The following CSMD3 variants were observed in gnomAD, a reference collection of about 807,000 sequenced individuals.
CSMD3 encodes the protein CUB and Sushi multiple domains 3, also known as CUB and sushi domain-containing protein 3.
Under a neutral mutation model 435.2 loss-of-function variants are expected in CSMD3, and 177 were observed. That is an observed-to-expected ratio of 0.41 (90% CI 0.36 to 0.46). CSMD3 has a LOEUF of 0.46. CSMD3 is among the 20% of genes least tolerant of loss of function. CSMD3 has a pLI of 0.34. For missense variants in CSMD3, 4,265 were observed against 4,504.6 expected, an observed-to-expected ratio of 0.95 and a Z score of 1.52; for synonymous variants, 1,656 against 1,520.5, an observed-to-expected ratio of 1.09 and a Z score of -2.07.
chr8:112,282,023 A>G (rs1818702453), intron 58 of CSMD3, among the ~76,000 whole-genome samples: 1 of 152,100 alleles, frequency 6.6e-6, no homozygotes, highest in Non-Finnish European at 1.5e-5. Context: ...TTTGTCAACA[A>G]TATGTTAATT....
chr8:112,549,187 T>C (rs1487903788), intron 27 of CSMD3, among the ~76,000 whole-genome samples: 3 of 152,084 alleles, frequency 2.0e-5, no homozygotes, highest in East Asian at 1.9e-4. Context: ...GAATTGTTTA[T>C]TGCTAAACTA....
At chr8:113,289,554 CAGAG>C (rs66595138) in intron 2 of CSMD3, among the ~76,000 whole-genome samples, 30,811 of 143,022 alleles carry the variant, frequency 0.22, 3,432 homozygotes, top group Middle Eastern at 0.38. Context: ...CAGAGAGAGA[CAGAG>C]AGAGAGAGAG....
intron 11 of CSMD3, among the ~76,000 whole-genome samples, chr8:112,844,215 C>T (rs1272748806): frequency 6.6e-6 from 1 of 151,900 alleles, no homozygotes; most frequent in Non-Finnish European, 1.5e-5. Context: ...AAATCAGTAA[C>T]AGTAATAAAA....
intron 4 of CSMD3, among the ~76,000 whole-genome samples, chr8:113,164,471 TA>T (rs1407718693): frequency 1.3e-5 from 2 of 151,680 alleles, no homozygotes; most frequent in Non-Finnish European, 2.9e-5. Flanking sequence ...CTTAAATATT[TA>T]ATGTATTTAG....
At chr8:113,375,889 G>T (rs1164022405) in intron 1 of CSMD3, among the ~76,000 whole-genome samples, 1 of 152,102 alleles carries the variant, frequency 6.6e-6, no homozygotes, top group Non-Finnish European at 1.5e-5. Flanking sequence ...ATAAGTATCA[G>T]AAGTCTTATA....
chr8:113,393,086 T>C (rs906327865), intron 1 of CSMD3, among the ~76,000 whole-genome samples: 1 of 152,028 alleles, frequency 6.6e-6, no homozygotes, highest in Admixed American at 6.6e-5. Flanking sequence ...TTTGTTGTTA[T>C]AACATATAAT....
intron 3 of CSMD3, among the ~76,000 whole-genome samples, chr8:113,192,684 G>T (rs937129815): frequency 1.1e-4 from 16 of 151,256 alleles, no homozygotes; most frequent in African/African-American, 3.6e-4. Flanking sequence ...TTATAGCCAA[G>T]AGCTTTCTTT....
At chr8:112,573,393 T>C (rs536749321) in intron 24 of CSMD3, 108 bp downstream of exon 24, 2 of 989,590 alleles carry the variant, frequency 2.0e-6, no homozygotes, top group Non-Finnish European at 1.6e-6. Context: ...AAAGGAGCTG[T>C]AAATTAATAA....
At chr8:112,390,274 G>A (rs897745066) in intron 36 of CSMD3, among the ~76,000 whole-genome samples, 1 of 152,126 alleles carries the variant, frequency 6.6e-6, no homozygotes, top group Non-Finnish European at 1.5e-5. Context: ...GGGCTGTTAC[G>A]CCTAGAGCTT....
chr8:112,920,539 T>G (rs796836527), intron 10 of CSMD3, among the ~76,000 whole-genome samples: 4 of 151,538 alleles, frequency 2.6e-5, no homozygotes, highest in African/African-American at 9.7e-5. Context: ...GAGGAATTAT[T>G]TGAAATCAGA....
chr8:112,251,374 A>G (rs1225950179), intron 63 of CSMD3, among the ~76,000 whole-genome samples: 1 of 151,750 alleles, frequency 6.6e-6, no homozygotes, highest in Non-Finnish European at 1.5e-5. Context: ...TGAAGGTATA[A>G]CAGATGTGCT....
At chr8:113,416,466 G>A (rs907786556) in intron 1 of CSMD3, among the ~76,000 whole-genome samples, 1 of 152,082 alleles carries the variant, frequency 6.6e-6, no homozygotes, top group Non-Finnish European at 1.5e-5. Flanking sequence ...AAAACAGAAT[G>A]TCAGATTCAT....
chr8:112,447,087 T>C (rs1815692137), intron 32 of CSMD3, among the ~76,000 whole-genome samples: 1 of 152,122 alleles, frequency 6.6e-6, no homozygotes. Context: ...AAAAATAAAA[T>C]ATAGTAGCAA....
At chr8:112,464,237 C>CAAA (rs34572260) in intron 32 of CSMD3, among the ~76,000 whole-genome samples, 109 of 81,202 alleles carry the variant, frequency 1.3e-3, no homozygotes, top group South Asian at 6.0e-3. Flanking sequence ...GACTCTGTTT[C>CAAA]AAAAAAAAAA....
intron 52 of CSMD3, among the ~76,000 whole-genome samples, chr8:112,303,240 A>AG (rs1217883591): frequency 1.3e-5 from 2 of 152,148 alleles, no homozygotes; most frequent in African/African-American, 4.8e-5. Context: ...TGGGAAAAAA[A>AG]CTTGGAGGAC....
intron 22 of CSMD3, among the ~76,000 whole-genome samples, chr8:112,594,166 G>A (rs5015898): frequency 0.57 from 85,543 of 150,612 alleles, 24,642 homozygotes; most frequent in African/African-American, 0.67. Flanking sequence ...TGCACGCACC[G>A]TGTGCGAGCC....
At chr8:113,251,058 T>C (rs375624354) in intron 3 of CSMD3, among the ~76,000 whole-genome samples, 1 of 152,164 alleles carries the variant, frequency 6.6e-6, no homozygotes. Flanking sequence ...AGCTTTTACA[T>C]ACTTTATTCT....
intron 4 of CSMD3, among the ~76,000 whole-genome samples, chr8:113,130,764 G>A (rs1445100012): frequency 2.0e-5 from 3 of 152,108 alleles, no homozygotes; most frequent in African/African-American, 7.2e-5. Flanking sequence ...AAGATGTGGG[G>A]AAGTTTGGAA....
At chr8:113,002,545 T>C (rs1461767736) in intron 6 of CSMD3, among the ~76,000 whole-genome samples, 1 of 152,054 alleles carries the variant, frequency 6.6e-6, no homozygotes, top group African/African-American at 2.4e-5. Context: ...GACTTAAATG[T>C]CTCTATTTGC....
Sources: gnomAD v4.1 joint callset for allele counts (sites outside exome capture counted in the v4.1 genomes callset) on GRCh38, gnomAD v4.1.1 for gene constraint, MANE v1.5 for transcripts, NCBI Gene and HGNC (gene_info 2026-07-23, HGNC 2026-07-21) for gene names.